Variants in BET1 observed in about 807,000 individuals in gnomAD.
The protein encoded by BET1 is Bet1 golgi vesicular membrane trafficking protein.
A neutral mutation model predicts 13.9 loss-of-function variants in BET1; 9 were observed. The observed-to-expected ratio is 0.65, with a 90% CI of 0.39 to 1.13. BET1 has a LOEUF of 1.13. BET1 is among the 50% of genes most tolerant of loss of function. The probability of loss-of-function intolerance (pLI) is 0.01; values close to 1 mark genes in which losing one functional copy is unlikely to be tolerated. For missense variants in BET1, 127 were observed against 133.6 expected (o/e 0.95, Z 0.24); for synonymous variants, 39 against 47.3 (o/e 0.82, Z 0.72).
At chr7:93,977,887 T>A (rs1795366241) in intron 4 of BET1, among the ~76,000 whole-genome samples, 1 of 152,082 alleles carries the variant, frequency 6.6e-6, no homozygotes, top group Admixed American at 6.6e-5. Flanking sequence ...TTGTGACGGT[T>A]TCATTGAATC....
exon 5 of BET1, chr7:93,975,945 T>C: frequency 2.4e-6 from 3 of 1,237,038 alleles, no homozygotes; most frequent in Non-Finnish European, 3.1e-6. Context: ...GTCATTATTT[T>C]GACATGTCAT....
Position 93,999,181 on chromosome 7 carries a change from CA to C in BET1, c.132del (p.Ala45LeufsTer2). 6.2e-7 allele frequency: 1 copy of C among 1,611,352 alleles called. No homozygotes were observed. The highest frequency in any genetic ancestry group is 8.5e-7 in the Non-Finnish European group (1 of 1,178,216). Reference sequence around the variant, plus strand: ...TGTTATATACTTACAGATTTTATAGCAGTTACTTTGCTTCTCAGACTTTCAG... The same window carrying C: ...TGTTATATACTTACAGATTTTATAGCGTTACTTTGCTTCTCAGACTTTCAG... ...RLTESLRSKV[T>X]AIKSLSIEIG... On this transcript the variant is annotated frameshift_variant, in exon 2 of 4. Coordinates refer to ENST00000222547, the MANE Select transcript of BET1 (RefSeq NM_005868.6). LOFTEE classifies it high-confidence loss of function.
chr7:93,966,872 G>T (rs964656261), intron 6 of BET1, among the ~76,000 whole-genome samples: 2 of 151,724 alleles, frequency 1.3e-5, no homozygotes, highest in East Asian at 3.9e-4. Flanking sequence ...GGACCATCTG[G>T]AGTTAGTTCT....
At chr7:93,989,408 A>G (rs1298897879), downstream of BET1, among the ~76,000 whole-genome samples, 1 of 152,192 alleles carries the variant, frequency 6.6e-6, no homozygotes, top group East Asian at 1.9e-4. Flanking sequence ...AAAAAAATAA[A>G]TTTAAGTTTT....
At chr7:93,992,155 A>G, downstream of BET1, 1 of 984,972 alleles carries the variant, frequency 1.0e-6, no homozygotes. Flanking sequence ...AAGGAGCAAG[A>G]CAAAATGCCA....
chr7:93,987,639 T>TGGTGCTAGGG (rs1198271633), intron 4 of BET1, among the ~76,000 whole-genome samples: 1 of 152,138 alleles, frequency 6.6e-6, no homozygotes, highest in Non-Finnish European at 1.5e-5. Flanking sequence ...TAAGTGTGCA[T>TGGTGCTAGGG]GGTGCTAGGG....
chr7:93,968,722 T>C (rs534859457), intron 6 of BET1, among the ~76,000 whole-genome samples: 2 of 151,886 alleles, frequency 1.3e-5, no homozygotes, highest in South Asian at 4.1e-4. Context: ...CACTACACTC[T>C]CTTTCTTTTG....
At chr7:93,963,230 C>T (rs1308143414) in exon 7 of BET1, 2 of 152,100 alleles carry the variant, frequency 1.3e-5, no homozygotes, top group South Asian at 2.1e-4. Context: ...TTGTAAGTTT[C>T]CTGAGGCCTC....
chr7:93,969,634 T>C (rs973052098), intron 6 of BET1: 2 of 151,774 alleles, frequency 1.3e-5, no homozygotes, highest in African/African-American at 4.8e-5. Flanking sequence ...TTATAATCCA[T>C]AAGGTATTCA....
intron 6 of BET1, among the ~76,000 whole-genome samples, chr7:93,968,933 T>G (rs1337427692): frequency 1.3e-5 from 2 of 151,864 alleles, no homozygotes; most frequent in Non-Finnish European, 2.9e-5. Flanking sequence ...CTTTTCAATG[T>G]CTATGAATTT....
intron 4 of BET1, among the ~76,000 whole-genome samples, chr7:93,977,570 C>T (rs1221308546): frequency 6.6e-6 from 1 of 152,016 alleles, no homozygotes; most frequent in Non-Finnish European, 1.5e-5. Flanking sequence ...GTACTTTGAC[C>T]ATTTACTCAC....
At chr7:93,984,339 G>A (rs752425810) in intron 4 of BET1, among the ~76,000 whole-genome samples, 1 of 152,022 alleles carries the variant, frequency 6.6e-6, no homozygotes, top group Non-Finnish European at 1.5e-5. Context: ...TTCCAAATAA[G>A]GTCATATTTT....
intron 5 of BET1, among the ~76,000 whole-genome samples, chr7:93,974,846 T>C (rs1795312145): frequency 6.6e-6 from 1 of 151,892 alleles, no homozygotes. Flanking sequence ...ATATAGTAAC[T>C]TTAGAGTAGA....
At chr7:93,984,222 G>C (rs1450929204) in intron 4 of BET1, among the ~76,000 whole-genome samples, 1 of 152,008 alleles carries the variant, frequency 6.6e-6, no homozygotes, top group African/African-American at 2.4e-5. Flanking sequence ...GTGTCTCTGT[G>C]CCCATCAAAT....
intron 2 of BET1, among the ~76,000 whole-genome samples, chr7:93,998,572 A>G (rs1406424855): frequency 2.0e-5 from 3 of 152,070 alleles, no homozygotes; most frequent in Admixed American, 6.6e-5. Flanking sequence ...GGTGGCGGGC[A>G]CCTGCAATCG....
At chr7:94,000,670 T>C (rs773985309) in intron 1 of BET1, among the ~76,000 whole-genome samples, 1 of 152,114 alleles carries the variant, frequency 6.6e-6, no homozygotes, top group Non-Finnish European at 1.5e-5. Flanking sequence ...GACTAATCTA[T>C]AGTTGGAAGC....
At chr7:93,980,592 A>G (rs753446482) in intron 4 of BET1, among the ~76,000 whole-genome samples, 2 of 152,216 alleles carry the variant, frequency 1.3e-5, no homozygotes, top group Non-Finnish European at 2.9e-5. Context: ...CTCTCAAAGA[A>G]CTAGCAGTAG....
chr7:93,963,518 G>A (rs1235368074), exon 7 of BET1: 1 of 151,886 alleles, frequency 6.6e-6, no homozygotes, highest in Non-Finnish European at 1.5e-5. Flanking sequence ...TCTTCACTGA[G>A]GGAAGGATCT....
downstream of BET1, chr7:93,992,081 G>C (rs6945362): frequency 1.0e-6 from 1 of 985,142 alleles, no homozygotes. Flanking sequence ...GTTGGGCAGC[G>C]ACATGCCAGT....
Sources: gnomAD v4.1 joint callset for allele counts (sites outside exome capture counted in the v4.1 genomes callset) on GRCh38, gnomAD v4.1.1 for gene constraint, MANE v1.5 for transcripts, NCBI Gene and HGNC (gene_info 2026-07-23, HGNC 2026-07-21) for gene names.